The following DNAI2 variants were observed in gnomAD, a reference collection of about 807,000 sequenced individuals.
The protein encoded by DNAI2 is dynein, axonemal, intermediate polypeptide 2.
A neutral mutation model predicts 74.7 loss-of-function variants in DNAI2; 63 were observed. The ratio of observed to expected loss-of-function variants is 0.84; its 90% CI spans 0.69 to 1.04. The LOEUF is 1.04. DNAI2 is among the 50% of genes least tolerant of loss of function. DNAI2 has a pLI of 0.00. For missense variants in DNAI2, 688 were observed against 803.2 expected (o/e 0.86, Z 1.73); for synonymous variants, 289 against 314.9 (o/e 0.92, Z 0.87).
intron 8 of DNAI2, 30 bp downstream of exon 8, chr17:74,301,198 C>G (rs756978205): frequency 2.5e-6 from 4 of 1,612,240 alleles, no homozygotes; most frequent in Non-Finnish European, 3.4e-6. Flanking sequence ...CCTTCCCCGA[C>G]TTGCATTGAC....
chr17:74,281,285 G>A (rs553266191), intron 1 of DNAI2, among the ~76,000 whole-genome samples: 2 of 151,926 alleles, frequency 1.3e-5, no homozygotes, highest in Non-Finnish European at 1.5e-5. Context: ...TTGAGACAGA[G>A]TCTTGCTCTG....
At position 74,287,034 on chromosome 17, in the gene DNAI2, A is replaced by G; in HGVS notation, c.403A>G (p.Asn135Asp). ...CATTGACATCTATGAAGAGTATTTC[A>G]ATGACGAGGAGGCCATGGAAGTGAT... ...NAIDIYEEYFNDEEAMEVMEE... is the reference protein window; with the variant it reads ...NAIDIYEEYFDDEEAMEVMEE... The change falls in exon 4 of 14, where the codon AAT becomes GAT. Residue 135 changes from asparagine (N) to aspartate (D), a missense_variant. By Grantham distance (23) the Asn-to-Asp change is conservative. Transcript: ENST00000311014. 6.2e-7 allele frequency: 1 copy of G among 1,613,888 alleles called. No individual in the cohort carries two copies. Among genetic ancestry groups the G allele is most frequent in the Non-Finnish European group, 8.5e-7 (1 of 1,179,834 alleles).
intron 2 of DNAI2, among the ~76,000 whole-genome samples, chr17:74,283,646 A>T (rs1027196999): frequency 2.6e-5 from 4 of 152,206 alleles, no homozygotes; most frequent in East Asian, 1.9e-4. Flanking sequence ...AATAATTTTT[A>T]AAAAATAAAG....
intron 1 of DNAI2, among the ~76,000 whole-genome samples, chr17:74,276,429 C>G (rs375036015): frequency 1.3e-5 from 2 of 152,168 alleles, no homozygotes; most frequent in African/African-American, 4.8e-5. Flanking sequence ...CTCCCGTCCC[C>G]GCTCTGTCAC....
At chr17:74,309,825 C>A (rs1029564355) in intron 10 of DNAI2, 192 bp from the exon 11 acceptor site, 17 of 716,898 alleles carry the variant, frequency 2.4e-5, no homozygotes, top group East Asian at 5.4e-5. Flanking sequence ...AGGGGTGGGG[C>A]GGGAGATGAG....
Position 74,311,380 on chromosome 17 carries a change from G to A in DNAI2, c.1495-623G>A, listed in dbSNP as rs570364596. ...TGTAATCCCAGCACTTTGGGAGGCC[G>A]AGGCGGGCAGATCACCTGAGGTCGG... On this transcript the variant is annotated intron_variant, in intron 11 of 13. Coordinates refer to ENST00000311014, the MANE Select transcript of DNAI2 (RefSeq NM_023036.6). Among the ~76,000 whole-genome samples, 4 of 152,224 alleles carry A rather than the reference G, an allele frequency of 2.6e-5. No individual in the cohort carries two copies. In the South Asian group the frequency reaches 6.2e-4, roughly 24 times the overall value.
At position 74,276,016 on chromosome 17, in the gene DNAI2, C is replaced by T. The variant is rs57341715; in HGVS notation, c.-12+1671C>T. On this transcript the variant is annotated intron_variant, in intron 1 of 13. Coordinates refer to ENST00000311014, the MANE Select transcript of DNAI2 (RefSeq NM_023036.6). ...AAGAAGAAGAGGAAAATGTTCTCAT[C>T]TCCTTATTCCACTAGGGAGTTCAAT... 6.4e-3 allele frequency among the ~76,000 whole-genome samples: 982 copies of T among 152,312 alleles called. 17 individuals carry two copies. Among genetic ancestry groups the T allele is most frequent in the African/African-American group, 0.022 (922 of 41,558 alleles).
intron 1 of DNAI2, among the ~76,000 whole-genome samples, chr17:74,276,802 G>A (rs1267705584): frequency 6.6e-6 from 1 of 152,146 alleles, no homozygotes; most frequent in Admixed American, 6.5e-5. Context: ...CAATCTCCTT[G>A]TGTCCCCTAG....
intron 3 of DNAI2, among the ~76,000 whole-genome samples, chr17:74,285,901 G>A (rs1174698625): frequency 6.6e-6 from 1 of 151,532 alleles, no homozygotes; most frequent in Non-Finnish European, 1.5e-5. Context: ...CTGGATGGAG[G>A]AACCAGCTGT....
At chr17:74,313,481 A>G (rs528100566) in intron 12 of DNAI2, among the ~76,000 whole-genome samples, 1 of 152,262 alleles carries the variant, frequency 6.6e-6, no homozygotes, top group South Asian at 2.1e-4. Flanking sequence ...CTCCTGGCCT[A>G]TCCAGCCCTG....
At chr17:74,299,530 C>T (rs1038367906) in intron 6 of DNAI2, among the ~76,000 whole-genome samples, 188 bp from the exon 7 acceptor site, 1 of 152,136 alleles carries the variant, frequency 6.6e-6, no homozygotes. Context: ...AGCTTGCACT[C>T]TGGGAGTCTC....
chr17:74,297,015 TA>T (rs1284139571), intron 6 of DNAI2, among the ~76,000 whole-genome samples: 2 of 152,180 alleles, frequency 1.3e-5, no homozygotes, highest in African/African-American at 4.8e-5. Context: ...TCACTGCTAT[TA>T]TGGAGGAGAG....
At chr17:74,311,963 C>T in intron 11 of DNAI2, 40 bp from the exon 12 acceptor site, 1 of 1,601,518 alleles carries the variant, frequency 6.2e-7, no homozygotes, top group Non-Finnish European at 8.5e-7. Flanking sequence ...TGCCATCCTG[C>T]CCTCTCCCCA....
intron 3 of DNAI2, 125 bp downstream of exon 3, chr17:74,285,326 A>G: frequency 8.4e-7 from 1 of 1,187,626 alleles, no homozygotes; most frequent in Non-Finnish European, 1.2e-6. Flanking sequence ...GGGGAAGGGG[A>G]CCAGCTGCTA....
At chr17:74,307,275 G>T (rs76457864) in intron 9 of DNAI2, 9,871 of 456,264 alleles carry the variant, frequency 0.022, 147 homozygotes, top group African/African-American at 0.035. Flanking sequence ...CCTTTCGCAG[G>T]GCTGGTTCCT....
chr17:74,305,123 GC>G, intron 8 of DNAI2, 95 bp from the exon 9 acceptor site: 1 of 1,297,436 alleles, frequency 7.7e-7, no homozygotes, highest in Non-Finnish European at 1.1e-6. Flanking sequence ...CCTTTCTAGC[GC>G]CTGCAGACCC....
chr17:74,277,176 C>A (rs530689109), intron 1 of DNAI2, among the ~76,000 whole-genome samples: 20 of 152,118 alleles, frequency 1.3e-4, no homozygotes, highest in Non-Finnish European at 2.6e-4. Context: ...CACTTGAGAT[C>A]AGGAGTTCAA....
At chr17:74,312,333 T>C (rs538263899) in intron 12 of DNAI2, 103 bp downstream of exon 12, 6 of 833,534 alleles carry the variant, frequency 7.2e-6, no homozygotes. Flanking sequence ...CTTGAGCAAG[T>C]AGTCTTACCT....
At chr17:74,284,982 G>T in intron 2 of DNAI2, 58 bp from the exon 3 acceptor site, 2 of 1,611,130 alleles carry the variant, frequency 1.2e-6, no homozygotes, top group Non-Finnish European at 1.7e-6. Flanking sequence ...TGCAGAAGTG[G>T]CCGAGGGTTT....
Sources: allele counts gnomAD v4.1 joint callset (sites outside exome capture counted in the v4.1 genomes callset), GRCh38; gene constraint gnomAD v4.1.1; transcripts MANE v1.5; gene names NCBI Gene and HGNC (gene_info 2026-07-23, HGNC 2026-07-21).